Variants in IP6K1 observed in about 807,000 individuals in gnomAD.
IP6K1 encodes the protein ATP:1D-myo-inositol-hexakisphosphate phosphotransferase.
A neutral mutation model predicts 38.3 loss-of-function variants in IP6K1; 13 were observed. That is an observed-to-expected ratio of 0.34 (90% CI 0.22 to 0.54). The LOEUF (loss-of-function observed/expected upper bound fraction) is 0.54, where lower values mean the gene tolerates loss of function less well. Among genes scored for constraint, IP6K1 ranks in the 20% least tolerant of loss-of-function variants. The probability of loss-of-function intolerance (pLI) is 0.92; values close to 1 mark genes in which losing one functional copy is unlikely to be tolerated. For missense variants in IP6K1, 397 were observed against 599.8 expected (o/e 0.66, Z 3.53); for synonymous variants, 212 against 229.9 (o/e 0.92, Z 0.70).
chr3:49,727,026 C>T lies in IP6K1; in HGVS notation c.*96G>A, dbSNP rs562642017. On this transcript the variant is annotated 3_prime_UTR_variant, in exon 6 of 6. Transcript: ENST00000321599. This position sits in a 1 kb window ranked among gnomAD's most constrained non-coding sequence, Gnocchi z 5.9. Reference sequence around the variant, plus strand: ...GTTTACACCAAAGAGAAATATAACCCTTTAAAAGCAAGTCTGTGTGTCCTC... The same window carrying T: ...GTTTACACCAAAGAGAAATATAACCTTTTAAAAGCAAGTCTGTGTGTCCTC... The T allele has an allele frequency of 9.7e-6, 12 of 1,235,676 alleles. No individual in the cohort carries two copies. The South Asian group carries it at 1.6e-4, about 17-fold the overall frequency. 76.5% of individuals were successfully genotyped at this position (1,235,676 alleles called of 1,614,324 possible).
chr3:49,750,885 AGAG>A (rs2080768741), intron 1 of IP6K1, among the ~76,000 whole-genome samples: 1 of 152,174 alleles, frequency 6.6e-6, no homozygotes, highest in Non-Finnish European at 1.5e-5. Context: ...TAGTCTCCTA[AGAG>A]TAAATATACC....
chr3:49,757,731 T>A (rs1050008880), intron 1 of IP6K1, among the ~76,000 whole-genome samples: 4 of 151,428 alleles, frequency 2.6e-5, no homozygotes, highest in South Asian at 2.1e-4. Flanking sequence ...AAAATAAAAA[T>A]AAAAAATAAA....
Position 49,725,974 on chromosome 3 carries a change from A to T in IP6K1, c.*1148T>A, listed in dbSNP as rs2108217032. ...AAGCATGAAGGAATGAGTATATACT[A>T]ATGAACAAGGCTACACCCCAGGGGA... On this transcript the variant is annotated 3_prime_UTR_variant, in exon 6 of 6. Coordinates refer to ENST00000321599, the MANE Select transcript of IP6K1 (RefSeq NM_153273.4). 1 of 152,454 alleles carries T rather than the reference A, an allele frequency of 6.6e-6. No individual in the cohort carries two copies. Among genetic ancestry groups the T allele is most frequent in the East Asian group, 1.9e-4 (1 of 5,176 alleles). The allele number at this position is 152,454 out of a possible 1,614,324, so 9.4% of individuals were successfully genotyped here.
chr3:49,736,572 C>T (rs2080613934), intron 3 of IP6K1, among the ~76,000 whole-genome samples: 1 of 152,140 alleles, frequency 6.6e-6, no homozygotes, highest in African/African-American at 2.4e-5. Flanking sequence ...TTAGGGCTAA[C>T]ATTCCATTAC....
At chr3:49,750,347 G>C (rs759463607) in intron 1 of IP6K1, among the ~76,000 whole-genome samples, 3 of 152,168 alleles carry the variant, frequency 2.0e-5, no homozygotes, top group African/African-American at 4.8e-5. Context: ...GGGTGGCTGG[G>C]AAAAGATAGG....
chr3:49,776,956 C>T (rs2081021994), intron 1 of IP6K1, among the ~76,000 whole-genome samples: 1 of 152,148 alleles, frequency 6.6e-6, no homozygotes, highest in Admixed American at 6.5e-5. Flanking sequence ...TTCACTGGGC[C>T]GGGCACAGTG....
At chr3:49,731,907 G>GAAAAAA (rs1277207284) in intron 4 of IP6K1, among the ~76,000 whole-genome samples, 2 of 69,036 alleles carry the variant, frequency 2.9e-5, no homozygotes, top group Non-Finnish European at 6.3e-5. Flanking sequence ...AAAAAAAAAG[G>GAAAAAA]AATTCCTATG....
chr3:49,745,875 CAGAA>C (rs942141697), intron 2 of IP6K1, among the ~76,000 whole-genome samples: 3 of 146,284 alleles, frequency 2.1e-5, no homozygotes, highest in Non-Finnish European at 4.5e-5. Flanking sequence ...AAAAAAAAGA[CAGAA>C]ACAACCCAAT....
intron 1 of IP6K1, among the ~76,000 whole-genome samples, chr3:49,770,329 G>A (rs1039934919): frequency 9.2e-5 from 14 of 152,148 alleles, no homozygotes; most frequent in African/African-American, 3.4e-4. Context: ...TATCTATGTG[G>A]GGGAAAAAGA....
chr3:49,771,630 G>T (rs6446295), intron 1 of IP6K1, among the ~76,000 whole-genome samples: 71,001 of 151,966 alleles, frequency 0.47, 17,397 homozygotes, highest in African/African-American at 0.56. Context: ...AACCATTTTG[G>T]AAAAGGTATT....
At position 49,766,738 on chromosome 3, in the gene IP6K1, C is replaced by T. The variant is rs567128540; in HGVS notation, c.-128-18570G>A. On this transcript the variant is annotated intron_variant, in intron 1 of 5. Coordinates refer to ENST00000321599, the MANE Select transcript of IP6K1 (RefSeq NM_153273.4). The stretch of plus-strand genomic sequence containing the variant: ...ATCCCAGCACTTTGGGAGGCTGAGG[C>T]GAGCAGATCACTAGGTCAGGAGTTT... 5.6e-4 allele frequency among the ~76,000 whole-genome samples: 85 copies of T among 150,788 alleles called. 1 individual carries two copies. In the South Asian group the frequency reaches 0.01, roughly 18 times the overall value.
chr3:49,747,104 A>G (rs1456839853), intron 2 of IP6K1, among the ~76,000 whole-genome samples: 4 of 152,170 alleles, frequency 2.6e-5, no homozygotes, highest in African/African-American at 9.7e-5. Flanking sequence ...ATTCTATAGC[A>G]CTGGTTTTTC....
At chr3:49,734,394 CTTTTTTTTTTTTTT>C (rs71735078) in intron 3 of IP6K1, among the ~76,000 whole-genome samples, 3 of 87,286 alleles carry the variant, frequency 3.4e-5, no homozygotes, top group South Asian at 4.7e-4. Context: ...ACCGTAATTT[CTTTTTTTTTTTTTT>C]TTTTTTTTTT....
intron 1 of IP6K1, among the ~76,000 whole-genome samples, chr3:49,773,212 G>A (rs1388324617): frequency 6.6e-6 from 1 of 152,152 alleles, no homozygotes; most frequent in Non-Finnish European, 1.5e-5. Flanking sequence ...GGTCCAAGTG[G>A]TCCTGCCTGG....
chr3:49,742,557 A>G (rs1227102142), intron 2 of IP6K1, among the ~76,000 whole-genome samples: 3 of 152,162 alleles, frequency 2.0e-5, no homozygotes, highest in African/African-American at 7.2e-5. Context: ...TCAAAAAAGA[A>G]AAAGAAAAAA....
rs996753948 is a variant in IP6K1 at position 49,783,052 on chromosome 3, G to A, written c.-129+3302C>T. Among the ~76,000 whole-genome samples, 5 of 151,468 alleles carry A rather than the reference G, an allele frequency of 3.3e-5. No homozygotes were observed. The South Asian group carries it at 6.3e-4, about 19-fold the overall frequency. ...GGAGTATCACTTGAACCCAGGAGGC[G>A]GAAGTTGCAGTGAGACAAGATCATG... On this transcript the variant is annotated intron_variant, in intron 1 of 5. Coordinates refer to ENST00000321599, the MANE Select transcript of IP6K1 (RefSeq NM_153273.4).
At chr3:49,728,972 TAG>T (rs1289170761) in intron 4 of IP6K1, among the ~76,000 whole-genome samples, 42 of 149,388 alleles carry the variant, frequency 2.8e-4, no homozygotes, top group Non-Finnish European at 4.9e-4. Flanking sequence ...TTTTTTTTTT[TAG>T]ATGGAGTCTC....
At chr3:49,753,060 C>T (rs1352204997) in intron 1 of IP6K1, among the ~76,000 whole-genome samples, 2 of 152,068 alleles carry the variant, frequency 1.3e-5, no homozygotes, top group African/African-American at 2.4e-5. Context: ...TATGCCTGGC[C>T]GCCATTTCAC....
chr3:49,774,292 C>T (rs2080986489), intron 1 of IP6K1, among the ~76,000 whole-genome samples: 2 of 150,770 alleles, frequency 1.3e-5, no homozygotes, highest in Non-Finnish European at 3.0e-5. Flanking sequence ...CCTGTAGTCC[C>T]AGCTACTCGA....
Sources: allele counts gnomAD v4.1 joint callset (sites outside exome capture counted in the v4.1 genomes callset), GRCh38; gene constraint gnomAD v4.1.1; non-coding constraint Gnocchi (gnomAD v3.1); transcripts MANE v1.5; gene names NCBI Gene and HGNC (gene_info 2026-07-23, HGNC 2026-07-21).